The following MCM3 variants were observed in gnomAD, a reference collection of about 807,000 sequenced individuals.
MCM3 encodes DNA replication licensing factor MCM3.
MCM3 carries 59 observed loss-of-function variants against 91.3 expected under a neutral mutation model. The ratio of observed to expected loss-of-function variants is 0.65; its 90% confidence interval spans 0.52 to 0.80. The LOEUF is 0.80. MCM3 is among the 30% of genes least tolerant of loss of function. The pLI is 0.00. For missense variants in MCM3, 919 were observed against 1,035.4 expected, an observed-to-expected ratio of 0.89 and a Z score of 1.54; for synonymous variants, 383 against 379.6, an observed-to-expected ratio of 1.01 and a Z score of -0.10.
intron 4 of MCM3, among the ~76,000 whole-genome samples, chr6:52,281,115 TG>T (rs779095490): frequency 2.6e-5 from 4 of 152,216 alleles, no homozygotes; most frequent in Non-Finnish European, 4.4e-5. Context: ...TCCATATAAA[TG>T]ATCTTTTGTC....
At position 52,264,297 on chromosome 6, in the gene MCM3, G is replaced by A. The variant is rs1581697522; in HGVS notation, c.*291C>T. On this transcript the variant is annotated 3_prime_UTR_variant, in exon 17 of 17. Coordinates refer to ENST00000596288, the MANE Select transcript of MCM3 (RefSeq NM_002388.6). Reference sequence around the variant, plus strand: ...CAGAAGTCATATGTTATTTACAATTGGGTTTGTGTGGGATGGGAAGTAGGG... The same window carrying A: ...CAGAAGTCATATGTTATTTACAATTAGGTTTGTGTGGGATGGGAAGTAGGG... 1 of 363,286 alleles carries A rather than the reference G, an allele frequency of 2.8e-6. No individual in the cohort carries two copies. The highest frequency in any genetic ancestry group is 3.1e-5 in the South Asian group (1 of 32,340). 22.5% of individuals were successfully genotyped at this position (363,286 alleles called of 1,614,324 possible).
intron 1 of MCM3, 93 bp downstream of exon 1, chr6:52,284,504 G>A (rs1368995096): frequency 1.7e-6 from 2 of 1,153,606 alleles, no homozygotes; most frequent in East Asian, 5.4e-5. Context: ...TGCGGCACAC[G>A]GTCTGGAGGT....
chr6:52,279,338 A>G (rs2307330), intron 5 of MCM3, 23 bp downstream of exon 5: 23,711 of 1,583,956 alleles, frequency 0.015, 233 homozygotes, highest in Non-Finnish European at 0.018. Context: ...AGCATTCCAT[A>G]TACTTTAAGG....
In MCM3 at chr6:52,272,336, G is replaced by A. The variant is rs769319120; in HGVS notation, c.1792C>T (p.Arg598Cys). ...TYIAEEYSRL[R>C]SQDSMSSDTA... ...TCTGAGCTCATGCTATCCTGGCTGC[G>A]CAGGCGTGAATACTCTTCTGCAATG... Residue 598 changes from arginine to cysteine, a missense_variant, in exon 12 of 17, where the codon CGC becomes TGC. Coordinates refer to ENST00000596288, the MANE Select transcript of MCM3 (RefSeq NM_002388.6). 2.5e-6 allele frequency: 4 copies of A among 1,614,138 alleles called. No individual in the cohort carries two copies. Among genetic ancestry groups the A allele is most frequent in the East Asian group, 2.2e-5 (1 of 44,890 alleles).
chr6:52,266,397 G>A (rs989121896), intron 15 of MCM3, among the ~76,000 whole-genome samples: 4 of 152,188 alleles, frequency 2.6e-5, no homozygotes, highest in Non-Finnish European at 4.4e-5. Context: ...AGGTGAAACA[G>A]CACAGCACAG....
At position 52,264,669 on chromosome 6, in the gene MCM3, T is replaced by G; in HGVS notation, c.2346A>C (p.Ser782=). Residue 782 remains serine, a synonymous_variant, in exon 17 of 17, where the codon TCA becomes TCC. Transcript: ENST00000596288. ...INRDSEEPFS[S]VEIQAALSKM... is the part of the protein sequence containing the mutation. Reference sequence around the variant, plus strand: ...TGCTCAGAGCAGCCTGGATCTCAACTGAAGAGAAGGGCTCTTCGCTGTCCC... The same window carrying G: ...TGCTCAGAGCAGCCTGGATCTCAACGGAAGAGAAGGGCTCTTCGCTGTCCC... The G allele has an allele frequency of 6.2e-7, 1 of 1,614,172 alleles. No individual in the cohort carries two copies. Among genetic ancestry groups the G allele is most frequent in the Non-Finnish European group, 8.5e-7 (1 of 1,180,036 alleles).
chr6:52,264,953 C>G (rs1364450887), intron 16 of MCM3, among the ~76,000 whole-genome samples, 167 bp from the exon 17 acceptor site: 1 of 152,160 alleles, frequency 6.6e-6, no homozygotes, highest in Non-Finnish European at 1.5e-5. Flanking sequence ...TTGAGGAGCC[C>G]CCTTTAAAGC....
chr6:52,273,642 C>A (rs1765321020), intron 10 of MCM3, 100 bp downstream of exon 10: 8 of 1,262,198 alleles, frequency 6.3e-6, no homozygotes, highest in Admixed American at 2.2e-5. Context: ...AACATCAACC[C>A]GGACACTGAA....
At position 52,268,042 on chromosome 6, in the gene MCM3, C is replaced by T; in HGVS notation, c.1969-74G>A. ...GGAACTGCATCAAGAACTCCCAGTC[C>T]CTTCTGCATCATAAGCAGGAAAGAC... On this transcript the variant is annotated intron_variant, in intron 13 of 16. Coordinates refer to ENST00000596288, the MANE Select transcript of MCM3 (RefSeq NM_002388.6). 1.9e-6 allele frequency: 3 copies of T among 1,607,158 alleles called. No homozygotes were observed. The South Asian group carries it at 3.3e-5, about 18-fold the overall frequency.
intron 13 of MCM3, 25 bp from the exon 14 acceptor site, chr6:52,267,993 G>T (rs781386120): frequency 1.1e-5 from 18 of 1,613,908 alleles, no homozygotes; most frequent in Non-Finnish European, 1.4e-5. Context: ...AGTGTGGCTG[G>T]GCTAGAGGGG....
intron 8 of MCM3, 54 bp downstream of exon 8, chr6:52,277,013 G>T (rs1362560496): frequency 5.1e-6 from 8 of 1,578,772 alleles, no homozygotes; most frequent in Non-Finnish European, 6.9e-6. Flanking sequence ...GCACACAAAG[G>T]ATCTATGCTC....
rs191026289 is a variant in MCM3 at position 52,275,977 on chromosome 6, C to T, written c.1374+291G>A. ...TACCTGTTCTGTTTAGAAATTCTCC[C>T]GCCACATGCATGTAGTCCTTTTATT... On this transcript the variant is annotated intron_variant, in intron 9 of 16. Coordinates refer to ENST00000596288, the MANE Select transcript of MCM3 (RefSeq NM_002388.6). 5.3e-4 allele frequency: 176 copies of T among 333,402 alleles called. 2 individuals are homozygous for T. The highest frequency in any genetic ancestry group is 4.7e-3 in the South Asian group (105 of 22,346). The allele number at this position is 333,402 out of a possible 1,614,324, so 20.7% of individuals were successfully genotyped here.
Position 52,264,422 on chromosome 6 carries a change from C to G in MCM3, c.*166G>C. On this transcript the variant is annotated 3_prime_UTR_variant, in exon 17 of 17. Coordinates refer to ENST00000596288, the MANE Select transcript of MCM3 (RefSeq NM_002388.6). Reference sequence around the variant, plus strand: ...CATGGCAGCTTTCATGACCCATTCCCAAAGGGTCCACCGAGTCCTGAACTC... The same window carrying G: ...CATGGCAGCTTTCATGACCCATTCCGAAAGGGTCCACCGAGTCCTGAACTC... 2 of 689,802 alleles carry G rather than the reference C, an allele frequency of 2.9e-6. No homozygotes were observed. Among genetic ancestry groups the G allele is most frequent in the East Asian group, 5.5e-5 (2 of 36,060 alleles). 42.7% of individuals were successfully genotyped at this position (689,802 alleles called of 1,614,324 possible). A position where few individuals can be genotyped will look rare whatever the true frequency, so the allele number is the denominator to read the frequency against.
At position 52,267,244 on chromosome 6, in the gene MCM3, G is replaced by A. The variant is rs151049996; in HGVS notation, c.2073-548C>T. 5.0e-3 allele frequency among the ~76,000 whole-genome samples: 760 copies of A among 151,862 alleles called. 10 individuals are homozygous for A. The highest frequency in any genetic ancestry group is 0.018 in the African/African-American group (727 of 41,396). On this transcript the variant is annotated intron_variant, in intron 14 of 16. Transcript: ENST00000596288. ...CTCCCAAGTAGCTGGGACTACAGGTGCCTGCCACCACGCCAGCCTAATTTT... is the reference window on the plus strand; with the variant it reads ...CTCCCAAGTAGCTGGGACTACAGGTACCTGCCACCACGCCAGCCTAATTTT...
rs746216490 is a variant in MCM3 at position 52,278,780 on chromosome 6, T to C, written c.841A>G (p.Ile281Val). 6.2e-7 allele frequency: 1 copy of C among 1,614,012 alleles called. No individual in the cohort carries two copies. Among genetic ancestry groups the C allele is most frequent in the East Asian group, 2.2e-5 (1 of 44,880 alleles). Residue 281 changes from isoleucine (I) to valine (V), a missense_variant, in exon 6 of 17, where the codon ATA becomes GTA. Ile to Val is a conservative substitution (Grantham distance 29). This residue lies in a region of MCM3 where 401 missense variants were observed against 402.7 expected (regional missense o/e 1.00). Transcript: ENST00000596288. ...DAQPSFSAED[I>V]AKIKKFSKTR... ...TTACTGAACTTCTTGATCTTGGCTA[T>C]ATCCTCAGCAGAGAAAGAGGGCTGA...
intron 4 of MCM3, 42 bp from the exon 5 acceptor site, chr6:52,279,641 G>T: frequency 1.4e-6 from 2 of 1,425,666 alleles, no homozygotes; most frequent in Non-Finnish European, 1.9e-6. Flanking sequence ...TCTCCGTCCT[G>T]TCTTAAAAAT....
At chr6:52,283,660 T>C (rs1038071782) in intron 1 of MCM3, among the ~76,000 whole-genome samples, 2 of 152,374 alleles carry the variant, frequency 1.3e-5, no homozygotes, top group South Asian at 4.1e-4. Context: ...TGGACAACTT[T>C]TCTGCATGCT....
intron 12 of MCM3, among the ~76,000 whole-genome samples, chr6:52,271,704 T>A (rs1378722374): frequency 5.3e-5 from 8 of 152,220 alleles, no homozygotes; most frequent in Admixed American, 5.2e-4. Context: ...GACACCTATA[T>A]TAGGTTACCA....
At chr6:52,274,371 T>A (rs1440090472) in intron 9 of MCM3, among the ~76,000 whole-genome samples, 2 of 152,028 alleles carry the variant, frequency 1.3e-5, no homozygotes, top group African/African-American at 4.8e-5. Flanking sequence ...TGGTCAATGA[T>A]CTATATATCA....
Sources: allele counts gnomAD v4.1 joint callset (sites outside exome capture counted in the v4.1 genomes callset), GRCh38; gene constraint gnomAD v4.1.1; regional missense constraint gnomAD v4.1.1; transcripts MANE v1.5; gene names NCBI Gene and HGNC (gene_info 2026-07-23, HGNC 2026-07-21).